Variants in PLD5 observed in about 807,000 individuals in gnomAD.
PLD5 encodes inactive phospholipase D5.
A neutral mutation model predicts 61.1 loss-of-function variants in PLD5; 36 were observed. The ratio of observed to expected loss-of-function variants is 0.59; its 90% CI spans 0.45 to 0.78. The LOEUF (loss-of-function observed/expected upper bound fraction) is 0.78, where lower values mean the gene tolerates loss of function less well. PLD5 is among the 30% of genes least tolerant of loss of function. The pLI, the probability that PLD5 is intolerant of heterozygous loss-of-function variation, is 0.00. For missense variants in PLD5, 515 were observed against 644.4 expected (o/e 0.80, Z 2.17); for synonymous variants, 243 against 242.8 (o/e 1.00, Z -0.01).
At chr1:242,163,147 C>CTT (rs147011306) in intron 5 of PLD5, among the ~76,000 whole-genome samples, 10 of 142,046 alleles carry the variant, frequency 7.0e-5, no homozygotes, top group African/African-American at 8.0e-5. Context: ...CTTTTCTTTT[C>CTT]TTTCTTTTCT....
At chr1:242,359,079 C>A (rs1368047534) in intron 1 of PLD5, among the ~76,000 whole-genome samples, 1 of 152,114 alleles carries the variant, frequency 6.6e-6, no homozygotes, top group Non-Finnish European at 1.5e-5. Flanking sequence ...ATGCTATTAC[C>A]TGATATCTCT....
intron 1 of PLD5, among the ~76,000 whole-genome samples, chr1:242,506,248 G>A (rs1475085321): frequency 2.0e-5 from 3 of 152,178 alleles, no homozygotes; most frequent in Non-Finnish European, 4.4e-5. Flanking sequence ...ACATCTTAGT[G>A]ATCTATATCT....
intron 9 of PLD5, among the ~76,000 whole-genome samples, chr1:242,100,322 G>C (rs1660585282): frequency 6.6e-6 from 1 of 152,194 alleles, no homozygotes; most frequent in African/African-American, 2.4e-5. Flanking sequence ...TTGTGGTGCT[G>C]TGGGCAGGGG....
intron 9 of PLD5, 51 bp from the exon 10 acceptor site, chr1:242,090,161 A>G (rs373960795): frequency 1.1e-5 from 18 of 1,588,476 alleles, no homozygotes; most frequent in Non-Finnish European, 1.4e-5. Context: ...CACTGGGAAC[A>G]TACCCAATAT....
At chr1:242,285,906 G>C (rs529100676) in intron 3 of PLD5, among the ~76,000 whole-genome samples, 2 of 152,010 alleles carry the variant, frequency 1.3e-5, no homozygotes, top group East Asian at 2.0e-4. Context: ...TCAGGAATTC[G>C]AGACCAGCCT....
intron 6 of PLD5, among the ~76,000 whole-genome samples, chr1:242,121,129 A>G (rs1662330217): frequency 6.6e-6 from 1 of 152,200 alleles, no homozygotes; most frequent in Admixed American, 6.5e-5. Flanking sequence ...TTTGTCTGGC[A>G]TATATTACTG....
intron 1 of PLD5, among the ~76,000 whole-genome samples, chr1:242,475,307 C>T (rs1037160141): frequency 6.6e-6 from 1 of 151,572 alleles, no homozygotes; most frequent in Non-Finnish European, 1.5e-5. Context: ...CCTGTAGTCC[C>T]AGCTACTCGG....
chr1:242,483,341 T>A (rs1488865576), intron 1 of PLD5, among the ~76,000 whole-genome samples: 1 of 151,608 alleles, frequency 6.6e-6, no homozygotes, highest in Non-Finnish European at 1.5e-5. Context: ...ACACATAGGC[T>A]CAAAATAAAG....
chr1:242,106,695 G>C (rs72761222), intron 8 of PLD5, among the ~76,000 whole-genome samples: 24,530 of 152,210 alleles, frequency 0.16, 2,176 homozygotes, highest in Non-Finnish European at 0.19. Context: ...TGGAAGCCAT[G>C]TGTCAAAGTT....
chr1:242,348,854 A>G (rs962780768), intron 1 of PLD5, among the ~76,000 whole-genome samples: 1 of 152,258 alleles, frequency 6.6e-6, no homozygotes, highest in Admixed American at 6.5e-5. Flanking sequence ...GGAGATCAAG[A>G]CCGTCCTGGC....
At chr1:242,298,942 T>G (rs1436246343) in intron 2 of PLD5, among the ~76,000 whole-genome samples, 1 of 151,872 alleles carries the variant, frequency 6.6e-6, no homozygotes, top group East Asian at 1.9e-4. Context: ...ATATAAGATG[T>G]GGCAAAGGAG....
intron 2 of PLD5, among the ~76,000 whole-genome samples, chr1:242,325,606 T>G (rs1001128826): frequency 6.6e-5 from 10 of 151,260 alleles, no homozygotes; most frequent in South Asian, 2.1e-4. Flanking sequence ...CAAGTTGTTG[T>G]TTTTTTTTAA....
At chr1:242,117,518 A>T (rs1371536488) in intron 6 of PLD5, among the ~76,000 whole-genome samples, 2 of 151,740 alleles carry the variant, frequency 1.3e-5, no homozygotes, top group African/African-American at 4.8e-5. Flanking sequence ...AGTAGCTGGG[A>T]TTATAGGTGC....
intron 1 of PLD5, among the ~76,000 whole-genome samples, chr1:242,468,701 G>GCACA (rs924231282): frequency 1.3e-5 from 2 of 149,072 alleles, no homozygotes; most frequent in Admixed American, 6.7e-5. Context: ...ACACACACAC[G>GCACA]CACACACACA....
intron 6 of PLD5, 23 bp from the exon 7 acceptor site, chr1:242,114,049 C>A (rs1661749025): frequency 6.2e-7 from 1 of 1,605,212 alleles, no homozygotes; most frequent in South Asian, 1.1e-5. Context: ...AAAAGCCAAA[C>A]TTTTAGCGTA....
At chr1:242,231,594 A>G (rs1206481102) in intron 4 of PLD5, among the ~76,000 whole-genome samples, 1 of 152,234 alleles carries the variant, frequency 6.6e-6, no homozygotes, top group Non-Finnish European at 1.5e-5. Flanking sequence ...CAACTAGAGA[A>G]AACATATGGC....
intron 1 of PLD5, among the ~76,000 whole-genome samples, chr1:242,431,189 A>G (rs1340422952): frequency 6.6e-6 from 1 of 152,220 alleles, no homozygotes; most frequent in Non-Finnish European, 1.5e-5. Context: ...TTGTCATGCA[A>G]AACTGGAACT....
intron 5 of PLD5, among the ~76,000 whole-genome samples, chr1:242,198,771 G>A (rs900794400): frequency 4.7e-5 from 7 of 149,234 alleles, no homozygotes; most frequent in Non-Finnish European, 4.4e-5. Context: ...AGTTTCACTC[G>A]TTGCCCAGGC....
At position 242,465,666 on chromosome 1, in the gene PLD5, C is replaced by T. The variant is rs533609852; in HGVS notation, c.189+58422G>A. On this transcript the variant is annotated intron_variant, in intron 1 of 9. Coordinates refer to ENST00000536534, the MANE Select transcript of PLD5 (RefSeq NM_001372062.1). ...AGGCACGGCCGGGCACAGTGGCCTACGCCTGTAATCCCAGCACTTTGGGAG... is the reference window on the plus strand; with the variant it reads ...AGGCACGGCCGGGCACAGTGGCCTATGCCTGTAATCCCAGCACTTTGGGAG... Among the ~76,000 whole-genome samples, 9 of 152,262 alleles carry T rather than the reference C, an allele frequency of 5.9e-5. No individual in the cohort carries two copies. In the South Asian group the frequency reaches 1.2e-3, roughly 21 times the overall value.
Sources: allele counts gnomAD v4.1 joint callset (sites outside exome capture counted in the v4.1 genomes callset), GRCh38; gene constraint gnomAD v4.1.1; transcripts MANE v1.5; gene names NCBI Gene and HGNC (gene_info 2026-07-23, HGNC 2026-07-21).